MAGI2: variants seen among roughly 807,000 people sequenced by gnomAD.
MAGI2 encodes the protein membrane-associated guanylate kinase, WW and PDZ domain-containing protein 2.
In MAGI2, 35 loss-of-function variants were observed where a neutral mutation model predicts 133.3. The observed-to-expected ratio is 0.26, with a 90% confidence interval of 0.20 to 0.35. The LOEUF (loss-of-function observed/expected upper bound fraction) is 0.35. MAGI2 is among the 10% of genes least tolerant of loss of function. The pLI, the probability that MAGI2 is intolerant of heterozygous loss-of-function variation, is 1.00. For missense variants in MAGI2, 1,636 were observed against 1,863.4 expected (o/e 0.88, Z 2.25); for synonymous variants, 729 against 710.6 (o/e 1.03, Z -0.41).
intron 2 of MAGI2, among the ~76,000 whole-genome samples, chr7:78,825,259 G>A (rs1158376295): frequency 6.6e-6 from 1 of 152,074 alleles, no homozygotes; most frequent in African/African-American, 2.4e-5. Context: ...AAATTAAAAA[G>A]AAATAAATAA....
At chr7:79,358,697 C>T (rs1269548174) in intron 1 of MAGI2, among the ~76,000 whole-genome samples, 1 of 152,118 alleles carries the variant, frequency 6.6e-6, no homozygotes, top group African/African-American at 2.4e-5. Flanking sequence ...CACCTGCATC[C>T]TCCTAGTGAT....
At chr7:79,416,718 TC>T (rs1179892782) in intron 1 of MAGI2, among the ~76,000 whole-genome samples, 3 of 131,708 alleles carry the variant, frequency 2.3e-5, no homozygotes, top group East Asian at 4.4e-4. Context: ...TCTTTTCTTT[TC>T]TTTTTCTTTT....
At chr7:78,116,691 C>T (rs1819899009) in intron 20 of MAGI2, among the ~76,000 whole-genome samples, 1 of 151,972 alleles carries the variant, frequency 6.6e-6, no homozygotes, top group African/African-American at 2.4e-5. Context: ...CCAGCCTAGG[C>T]AACGTGGTGA....
chr7:78,437,355 G>A (rs928424622), intron 6 of MAGI2, among the ~76,000 whole-genome samples: 1 of 152,090 alleles, frequency 6.6e-6, no homozygotes, highest in East Asian at 1.9e-4. Flanking sequence ...TTGGAATTGG[G>A]GGAAGAAGTC....
At position 78,167,928 on chromosome 7, in the gene MAGI2, C is replaced by G. The variant is rs2150641972; in HGVS notation, c.2584G>C (p.Val862Leu). The G allele has an allele frequency of 6.2e-7, 1 of 1,614,082 alleles. No homozygotes were observed. The highest frequency in any genetic ancestry group is 8.5e-7 in the Non-Finnish European group (1 of 1,179,942). ...GQVNLTVRRK[V>L]LCGGEPCPEN... Reference sequence around the variant, plus strand: ...TCCAGGTACATACCTCCACATAGCACCTTTCTTCTCACAGTGAGGTTGACC... The same window carrying G: ...TCCAGGTACATACCTCCACATAGCAGCTTTCTTCTCACAGTGAGGTTGACC... The change falls in exon 15 of 22, where the codon GTG becomes CTG. Residue 862 changes from valine to leucine, a missense_variant. Physicochemically the swap from Val to Leu is conservative, Grantham distance 32. Coordinates refer to ENST00000354212, the MANE Select transcript of MAGI2 (RefSeq NM_012301.4).
chr7:78,895,689 A>T (rs1752818630), intron 2 of MAGI2, among the ~76,000 whole-genome samples: 1 of 152,206 alleles, frequency 6.6e-6, no homozygotes, highest in Non-Finnish European at 1.5e-5. Context: ...TATTAAACAC[A>T]GAGCATTATT....
chr7:78,586,056 G>T (rs1333760356), intron 3 of MAGI2, among the ~76,000 whole-genome samples: 1 of 152,136 alleles, frequency 6.6e-6, no homozygotes, highest in East Asian at 1.9e-4. Context: ...ATTAAATGAT[G>T]ACCGAGTGCA....
chr7:78,620,477 T>C (rs1172059910), intron 3 of MAGI2, among the ~76,000 whole-genome samples: 2 of 152,046 alleles, frequency 1.3e-5, no homozygotes, highest in African/African-American at 4.8e-5. Flanking sequence ...CTTAAATTTC[T>C]ATAGGATTTT....
At chr7:78,538,414 G>C (rs1195268748) in intron 3 of MAGI2, among the ~76,000 whole-genome samples, 1 of 152,198 alleles carries the variant, frequency 6.6e-6, no homozygotes, top group South Asian at 2.1e-4. Flanking sequence ...GATTGCTTTT[G>C]GCAGTGTTGT....
intron 21 of MAGI2, among the ~76,000 whole-genome samples, chr7:78,069,093 A>G (rs1390805218): frequency 6.6e-6 from 1 of 152,172 alleles, no homozygotes; most frequent in Admixed American, 6.5e-5. Context: ...TGGGAAGACA[A>G]TGGGAGGAAA....
At chr7:78,237,650 TA>T (rs981356720) in intron 10 of MAGI2, among the ~76,000 whole-genome samples, 3 of 152,210 alleles carry the variant, frequency 2.0e-5, no homozygotes, top group African/African-American at 4.8e-5. Flanking sequence ...TAGTTCTTTT[TA>T]TTTTTTTTAT....
rs535632529 is a variant in MAGI2 at position 78,856,325 on chromosome 7, A to C, written c.418+150765T>G. Among the ~76,000 whole-genome samples the C allele has an allele frequency of 2.2e-3, 329 of 152,174 alleles. 3 individuals are homozygous for C. The highest frequency in any genetic ancestry group is 7.4e-3 in the African/African-American group (308 of 41,520). ...GGTGTTTTAGACATGAAGTCCTTGC[A>C]CATGCCTATGTCCTGAATGGTATTG... is the stretch of plus-strand genomic sequence containing the variant. On this transcript the variant is annotated intron_variant, in intron 2 of 21. Transcript: ENST00000354212.
At chr7:79,238,258 G>C (rs1269049094) in intron 1 of MAGI2, among the ~76,000 whole-genome samples, 2 of 150,400 alleles carry the variant, frequency 1.3e-5, no homozygotes, top group African/African-American at 4.9e-5. Flanking sequence ...ACTTCCATTT[G>C]TTTCCAGAAT....
chr7:78,838,438 A>G (rs936878220), intron 2 of MAGI2, among the ~76,000 whole-genome samples: 25 of 151,920 alleles, frequency 1.6e-4, no homozygotes, highest in African/African-American at 6.0e-4. Flanking sequence ...CAATTCATTT[A>G]TCCTATTCCA....
intron 2 of MAGI2, among the ~76,000 whole-genome samples, chr7:78,795,272 C>T (rs921409681): frequency 6.6e-6 from 1 of 151,400 alleles, no homozygotes; most frequent in Non-Finnish European, 1.5e-5. Flanking sequence ...TAAGATAATA[C>T]AATGTAACAA....
rs184918556 is a variant in MAGI2 at position 78,608,357 on chromosome 7, G to T, written c.538+18763C>A. On this transcript the variant is annotated intron_variant, in intron 3 of 21. Transcript: ENST00000354212. ...TGAGATCATTTGCTGTACCTTTCTG[G>T]GTATCAGTGTCCTCATATGTATAAT... Among the ~76,000 whole-genome samples, 8 of 151,274 alleles carry T rather than the reference G, an allele frequency of 5.3e-5. No individual in the cohort carries two copies. The East Asian group carries it at 1.6e-3, about 29-fold the overall frequency.
rs530684382 is a variant in MAGI2, at chr7:78,542,726, G to C, written c.539-21081C>G. On this transcript the variant is annotated intron_variant, in intron 3 of 21. Coordinates refer to ENST00000354212, the MANE Select transcript of MAGI2 (RefSeq NM_012301.4). ...AAGCATAACATGTAAGGGGAGGAGG[G>C]GCAGCATTTGAGCCTGAGAAGATGA... 4.6e-5 allele frequency among the ~76,000 whole-genome samples: 7 copies of C among 152,272 alleles called. No homozygotes were observed. The East Asian group carries it at 1.4e-3, about 29-fold the overall frequency.
intron 9 of MAGI2, among the ~76,000 whole-genome samples, chr7:78,296,227 A>G (rs190987168): frequency 3.1e-4 from 47 of 152,320 alleles, no homozygotes; most frequent in African/African-American, 1.1e-3. Context: ...TGAAAGCCAG[A>G]AGATGCCTTA....
At chr7:78,399,372 C>T (rs11771624) in intron 6 of MAGI2, among the ~76,000 whole-genome samples, 8,093 of 152,274 alleles carry the variant, frequency 0.053, 306 homozygotes, top group South Asian at 0.094. Flanking sequence ...TAGAAATCTT[C>T]GTGTTATATG....
Sources: gnomAD v4.1 joint callset for allele counts (sites outside exome capture counted in the v4.1 genomes callset) on GRCh38, gnomAD v4.1.1 for gene constraint, MANE v1.5 for transcripts, NCBI Gene and HGNC (gene_info 2026-07-23, HGNC 2026-07-21) for gene names.